Variants in ADCY9 observed in about 807,000 individuals in gnomAD.
ADCY9 encodes adenylate cyclase type 9.
ADCY9 carries 50 observed loss-of-function variants against 101.5 expected under a neutral mutation model. The observed-to-expected ratio is 0.49, with a 90% CI of 0.39 to 0.62. The LOEUF (loss-of-function observed/expected upper bound fraction) is 0.62. Ranked by LOEUF, ADCY9 falls within the 20% of genes least tolerant of loss-of-function variation. The pLI, the probability that ADCY9 is intolerant of heterozygous loss-of-function variation, is 0.00. For synonymous variants in ADCY9, 905 were observed against 769.3 expected, an observed-to-expected ratio of 1.18 and a Z score of -2.92; for missense variants, 1,662 against 1,800.4, an observed-to-expected ratio of 0.92 and a Z score of 1.39.
At chr16:4,012,335 A>G (rs909240258) in intron 2 of ADCY9, among the ~76,000 whole-genome samples, 6 of 151,856 alleles carry the variant, frequency 4.0e-5, no homozygotes, top group South Asian at 2.1e-4. Flanking sequence ...TGAGAAATAC[A>G]TCAGGACAGG....
At chr16:3,956,503 T>TTTTTTTG (rs55792938) in intron 5 of ADCY9, among the ~76,000 whole-genome samples, 12 of 69,572 alleles carry the variant, frequency 1.7e-4, no homozygotes, top group African/African-American at 4.4e-4. Flanking sequence ...TTTTTTTTTT[T>TTTTTTTG]GGGGGGGGAT....
At chr16:4,095,821 A>G (rs994881762) in intron 2 of ADCY9, among the ~76,000 whole-genome samples, 2 of 151,836 alleles carry the variant, frequency 1.3e-5, no homozygotes, top group Non-Finnish European at 2.9e-5. Context: ...TACAAAATAC[A>G]CAAAAATTAG....
intron 2 of ADCY9, among the ~76,000 whole-genome samples, chr16:4,040,016 G>A (rs1044513370): frequency 1.3e-5 from 2 of 152,156 alleles, no homozygotes; most frequent in Non-Finnish European, 2.9e-5. Context: ...TCCAGGCTGG[G>A]TGGCAGAGCA....
intron 2 of ADCY9, among the ~76,000 whole-genome samples, chr16:4,024,142 C>G (rs2056497453): frequency 6.6e-6 from 1 of 151,868 alleles, no homozygotes; most frequent in Admixed American, 6.6e-5. Flanking sequence ...CCTGCCTCAG[C>G]CTCCTGAGTA....
intron 6 of ADCY9, among the ~76,000 whole-genome samples, chr16:3,987,965 G>A (rs1339691048): frequency 2.6e-5 from 4 of 152,106 alleles, no homozygotes; most frequent in Non-Finnish European, 4.4e-5. Context: ...ACTTGTGAGC[G>A]CTGGGACTCT....
intron 2 of ADCY9, among the ~76,000 whole-genome samples, chr16:4,037,085 G>A (rs1396509384): frequency 3.9e-5 from 6 of 152,130 alleles, no homozygotes; most frequent in Non-Finnish European, 4.4e-5. Flanking sequence ...AGAGGCCAAG[G>A]TGGGACAATC....
chr16:4,071,647 A>G (rs1023559285), intron 2 of ADCY9, among the ~76,000 whole-genome samples: 1 of 152,154 alleles, frequency 6.6e-6, no homozygotes, highest in Non-Finnish European at 1.5e-5. Context: ...ATTGTTTGTG[A>G]GTTTTTATTA....
chr16:4,035,857 G>C (rs2056585321), intron 2 of ADCY9, among the ~76,000 whole-genome samples: 1 of 152,006 alleles, frequency 6.6e-6, no homozygotes, highest in South Asian at 2.1e-4. Flanking sequence ...AAATTAGACA[G>C]GCGTGGTGGC....
chr16:3,960,714 C>T (rs1008710959), downstream of ADCY9, among the ~76,000 whole-genome samples: 4 of 152,134 alleles, frequency 2.6e-5, no homozygotes, highest in Non-Finnish European at 5.9e-5. Flanking sequence ...ACGCGGATTA[C>T]TTAACTCACA....
chr16:3,957,483 AG>A (rs1315661750), intron 5 of ADCY9, among the ~76,000 whole-genome samples: 4 of 144,880 alleles, frequency 2.8e-5, no homozygotes, highest in Non-Finnish European at 6.0e-5. Flanking sequence ...AGAGTCAGGG[AG>A]GGGGAGGGTG....
intron 2 of ADCY9, among the ~76,000 whole-genome samples, chr16:4,036,044 C>T: frequency 7.0e-6 from 1 of 142,032 alleles, no homozygotes; most frequent in Non-Finnish European, 1.6e-5. Flanking sequence ...GGGGCCCCAG[C>T]CCCCCTCCCT....
intron 10 of ADCY9, among the ~76,000 whole-genome samples, chr16:3,971,109 C>T (rs2056047590): frequency 6.6e-6 from 1 of 152,106 alleles, no homozygotes; most frequent in South Asian, 2.1e-4. Flanking sequence ...GGAATTTAGG[C>T]ACGTGCTGGG....
intron 2 of ADCY9, among the ~76,000 whole-genome samples, chr16:4,018,064 T>A (rs1311651646): frequency 1.3e-5 from 2 of 152,192 alleles, no homozygotes; most frequent in Non-Finnish European, 1.5e-5. Context: ...GCAAAGGCAT[T>A]TTCTTCTGAC....
intron 2 of ADCY9, among the ~76,000 whole-genome samples, chr16:4,029,434 G>A (rs899372405): frequency 2.6e-5 from 4 of 152,156 alleles, no homozygotes; most frequent in African/African-American, 7.2e-5. Flanking sequence ...CTGGTAGCCT[G>A]AATATAAAGA....
chr16:4,075,367 G>T (rs967135479), intron 2 of ADCY9, among the ~76,000 whole-genome samples: 2 of 152,166 alleles, frequency 1.3e-5, no homozygotes, highest in Non-Finnish European at 2.9e-5. Context: ...TCGAACTCCT[G>T]ACCTCTGGTG....
At chr16:4,046,718 C>T (rs1450139546) in intron 2 of ADCY9, among the ~76,000 whole-genome samples, 2 of 152,110 alleles carry the variant, frequency 1.3e-5, no homozygotes, top group African/African-American at 4.8e-5. Context: ...CAAGATTTTC[C>T]ACAGACCTCA....
At chr16:4,065,643 C>G (rs1197271492) in intron 2 of ADCY9, among the ~76,000 whole-genome samples, 1 of 152,228 alleles carries the variant, frequency 6.6e-6, no homozygotes, top group Non-Finnish European at 1.5e-5. Flanking sequence ...GCTATTTTGG[C>G]TCACTGCAAC....
chr16:3,971,900 C>T (rs2141677121), intron 10 of ADCY9, among the ~76,000 whole-genome samples: 1 of 152,296 alleles, frequency 6.6e-6, no homozygotes, highest in South Asian at 2.1e-4. Context: ...GCCAGCAGCA[C>T]AGCTGACTCG....
intron 2 of ADCY9, among the ~76,000 whole-genome samples, chr16:4,045,821 C>T (rs79585273): frequency 0.35 from 51,742 of 148,900 alleles, 10,800 homozygotes; most frequent in East Asian, 0.49. Context: ...ACCTCAGCCG[C>T]CCGAGTAGCT....
Sources: allele counts gnomAD v4.1 joint callset (sites outside exome capture counted in the v4.1 genomes callset), GRCh38; gene constraint gnomAD v4.1.1; transcripts MANE v1.5; gene names NCBI Gene and HGNC (gene_info 2026-07-23, HGNC 2026-07-21).